The following OAS1 variants were observed in gnomAD, a reference collection of about 807,000 sequenced individuals.
OAS1 encodes the protein 2'-5'-oligoadenylate synthetase 1.
Under a neutral mutation model 38.5 loss-of-function variants are expected in OAS1, and 24 were observed. The ratio of observed to expected loss-of-function variants is 0.62; its 90% CI spans 0.45 to 0.88. The LOEUF is 0.88. Ranked by LOEUF, OAS1 falls within the 40% of genes least tolerant of loss-of-function variation. The probability of loss-of-function intolerance (pLI) is 0.00; values close to 1 mark genes in which losing one functional copy is unlikely to be tolerated. For missense variants in OAS1, 482 were observed against 493.9 expected, an observed-to-expected ratio of 0.98 and a Z score of 0.23; for synonymous variants, 169 against 193.9, an observed-to-expected ratio of 0.87 and a Z score of 1.07.
At position 112,912,338 on chromosome 12, in the gene OAS1, T is replaced by TCAAA. The variant is rs565162085; in HGVS notation, c.654+1128_654+1131dup. Among the ~76,000 whole-genome samples, 306 of 152,192 alleles carry TCAAA rather than the reference T, an allele frequency of 2.0e-3. 1 individual carries two copies. The highest frequency in any genetic ancestry group is 3.4e-3 in the Middle Eastern group (1 of 294). On this transcript the variant is annotated intron_variant, in intron 3 of 5. Transcript: ENST00000202917. ...CTGTGAGACAGAGCAAGATCTTCTC[T>TCAAA]CAAACAAACAAACAAACAAACAAAC...
chr12:112,917,868 A>T (rs2043485553), intron 5 of OAS1, 168 bp downstream of exon 5: 1 of 1,504,080 alleles, frequency 6.6e-7, no homozygotes, highest in Admixed American at 2.3e-5. Flanking sequence ...TTTGGTCACA[A>T]TCGAGGGTTT....
downstream of OAS1, among the ~76,000 whole-genome samples, chr12:112,924,087 A>T (rs1406518228): frequency 6.6e-6 from 1 of 152,206 alleles, no homozygotes; most frequent in East Asian, 1.9e-4. Context: ...GTTCAGTTCC[A>T]GTTCTTCCAA....
chr12:112,909,099 T>C, intron 2 of OAS1: 2 of 420,842 alleles, frequency 4.8e-6, no homozygotes, highest in Non-Finnish European at 8.3e-6. Flanking sequence ...AATTTTATCT[T>C]TCTAAAATCA....
At chr12:112,921,179 C>G (rs1401629926), downstream of OAS1, among the ~76,000 whole-genome samples, 1 of 152,158 alleles carries the variant, frequency 6.6e-6, no homozygotes, top group Non-Finnish European at 1.5e-5. Context: ...TCTACTGATT[C>G]AAATGTGAAT....
intron 6 of OAS1, among the ~76,000 whole-genome samples, chr12:112,927,342 CACA>C (rs1159249777): frequency 6.6e-5 from 10 of 152,134 alleles, no homozygotes; most frequent in Non-Finnish European, 1.3e-4. Context: ...CCTGACTTCC[CACA>C]ACATCACTGT....
At chr12:112,918,190 C>A (rs371864998) in intron 5 of OAS1, 5 of 190,590 alleles carry the variant, frequency 2.6e-5, no homozygotes, top group East Asian at 2.8e-4. Context: ...CAACCTTTGC[C>A]TTTCTCCCTT....
intron 5 of OAS1, chr12:112,918,712 A>G (rs911362093): frequency 4.4e-6 from 2 of 451,356 alleles, no homozygotes; most frequent in Non-Finnish European, 8.9e-6. Flanking sequence ...TCACTGTGCT[A>G]AACAGCCTGC....
At chr12:112,920,732 T>G (rs1355647507), downstream of OAS1, among the ~76,000 whole-genome samples, 2 of 152,188 alleles carry the variant, frequency 1.3e-5, no homozygotes, top group African/African-American at 2.4e-5. Context: ...CCTAGCATGC[T>G]CTGATCACCT....
At chr12:112,920,547 GTTATA>G (rs1419996508), downstream of OAS1, among the ~76,000 whole-genome samples, 1 of 152,134 alleles carries the variant, frequency 6.6e-6, no homozygotes, top group Non-Finnish European at 1.5e-5. Flanking sequence ...TGTGGCTTGT[GTTATA>G]TTATGTATTT....
intron 3 of OAS1, among the ~76,000 whole-genome samples, chr12:112,914,640 G>A (rs898196514): frequency 2.0e-5 from 3 of 151,702 alleles, no homozygotes; most frequent in African/African-American, 7.3e-5. Context: ...CATTCTTGCA[G>A]GAGTGAGGTG....
rs1593152937 is a variant in OAS1, at chr12:112,908,742, C to T, written c.387C>T (p.Pro129=). The T allele has an allele frequency of 1.2e-6, 2 of 1,614,166 alleles. No homozygotes were observed. The highest frequency in any genetic ancestry group is 2.2e-5 in the East Asian group (1 of 44,886). The change falls in exon 2 of 6, where the codon CCC becomes CCT. Residue 129 remains proline, a synonymous_variant. Transcript: ENST00000202917. ...TCCAGGCTCCACGCTGGGGCAACCC[C>T]CGTGCGCTCAGCTTCGTACTGAGTT... The part of the protein sequence containing the change: ...FEVQAPRWGN[P]RALSFVLSSL...
downstream of OAS1, among the ~76,000 whole-genome samples, chr12:112,923,102 T>C (rs2043540127): frequency 6.6e-6 from 1 of 152,256 alleles, no homozygotes; most frequent in Non-Finnish European, 1.5e-5. Flanking sequence ...GTGTGCACTG[T>C]ATACATTAAT....
chr12:112,917,154 T>C (rs1450121728), intron 4 of OAS1, among the ~76,000 whole-genome samples: 3 of 152,244 alleles, frequency 2.0e-5, no homozygotes, highest in Admixed American at 6.5e-5. Flanking sequence ...ATGTATGTTA[T>C]GTTCTAGTCG....
Position 112,916,321 on chromosome 12 carries a change from T to C in OAS1, c.655-188T>C, listed in dbSNP as rs145770587. Among the ~76,000 whole-genome samples, 65 of 152,326 alleles carry C rather than the reference T, an allele frequency of 4.3e-4. 1 individual carries two copies. Among genetic ancestry groups the C allele is most frequent in the African/African-American group, 1.4e-3 (59 of 41,564 alleles). The stretch of plus-strand genomic sequence containing the variant: ...ACTTTGTGGACTGCACAGCCTCTGT[T>C]GCAACTACTCAACCCTGCCTTTGTA... On this transcript the variant is annotated intron_variant, in intron 3 of 5. Coordinates refer to ENST00000202917, the MANE Select transcript of OAS1 (RefSeq NM_016816.4).
At position 112,908,742 on chromosome 12, in the gene OAS1, C is replaced by G; in HGVS notation, c.387C>G (p.Pro129=). The change falls in exon 2 of 6, where the codon CCC becomes CCG. Residue 129 remains proline, a synonymous_variant. Transcript: ENST00000202917. ...FEVQAPRWGN[P]RALSFVLSSL... Reference sequence around the variant, plus strand: ...TCCAGGCTCCACGCTGGGGCAACCCCCGTGCGCTCAGCTTCGTACTGAGTT... The same window carrying G: ...TCCAGGCTCCACGCTGGGGCAACCCGCGTGCGCTCAGCTTCGTACTGAGTT... 1 of 1,614,166 alleles carries G rather than the reference C, an allele frequency of 6.2e-7. No individual in the cohort carries two copies. Among genetic ancestry groups the G allele is most frequent in the Non-Finnish European group, 8.5e-7 (1 of 1,180,014 alleles).
chr12:112,927,353 T>G (rs1488616878), intron 6 of OAS1, among the ~76,000 whole-genome samples: 1 of 152,186 alleles, frequency 6.6e-6, no homozygotes, highest in Non-Finnish European at 1.5e-5. Context: ...ACAACATCAC[T>G]GTATACCTGA....
chr12:112,922,922 G>T (rs2043539142), downstream of OAS1, among the ~76,000 whole-genome samples: 1 of 152,162 alleles, frequency 6.6e-6, no homozygotes, highest in South Asian at 2.1e-4. Flanking sequence ...TAGAGATGGG[G>T]TCTTGCTGTG....
intron 5 of OAS1, chr12:112,918,649 C>G (rs1565964750): frequency 2.2e-6 from 1 of 455,818 alleles, no homozygotes; most frequent in African/African-American, 2.0e-5. Flanking sequence ...CATCAGCTAA[C>G]AAGTGGTGGA....
At chr12:112,910,958 C>A in intron 2 of OAS1, 93 bp from the exon 3 acceptor site, 1 of 1,238,334 alleles carries the variant, frequency 8.1e-7, no homozygotes. Context: ...ACTTTTCAAT[C>A]AAACCCCATG....
Sources: allele counts gnomAD v4.1 joint callset (sites outside exome capture counted in the v4.1 genomes callset), GRCh38; gene constraint gnomAD v4.1.1; transcripts MANE v1.5; gene names NCBI Gene and HGNC (gene_info 2026-07-23, HGNC 2026-07-21).